Variants in ZFHX2 observed in about 807,000 individuals in gnomAD.
The protein encoded by ZFHX2 is zinc finger homeobox protein 2.
A neutral mutation model predicts 164.8 loss-of-function variants in ZFHX2; 75 were observed. That is an observed-to-expected ratio of 0.46 (90% CI 0.38 to 0.55). The LOEUF (loss-of-function observed/expected upper bound fraction) is 0.55. Among genes scored for constraint, ZFHX2 ranks in the 20% least tolerant of loss-of-function variants. ZFHX2 has a pLI of 0.00. For missense variants in ZFHX2, 2,933 were observed against 3,308.0 expected (o/e 0.89, Z 2.78); for synonymous variants, 1,217 against 1,351.4 (o/e 0.90, Z 2.18).
intron 6 of ZFHX2, among the ~76,000 whole-genome samples, chr14:23,528,204 T>C (rs1879035444): frequency 6.6e-6 from 1 of 152,180 alleles, no homozygotes; most frequent in East Asian, 1.9e-4. Context: ...CCACCACGCT[T>C]GGCCTCTCAC....
Position 23,524,243 on chromosome 14 carries a change from A to C in ZFHX2, c.5699T>G (p.Val1900Gly). The C allele has an allele frequency of 6.5e-7, 1 of 1,536,180 alleles. No homozygotes were observed. Among genetic ancestry groups the C allele is most frequent in the Non-Finnish European group, 8.7e-7 (1 of 1,146,920 alleles). Residue 1900 changes from valine (V) to glycine (G), a missense_variant, in exon 9 of 10, where the codon GTG becomes GGG. Val to Gly is a moderately radical substitution (Grantham distance 109). Transcript: ENST00000419474. This position sits in a 1 kb window ranked among gnomAD's most constrained non-coding sequence, Gnocchi z 5.6. ...ISEEVGLKKRVVQVWFQNTRA... is the reference protein window; with the variant it reads ...ISEEVGLKKRGVQVWFQNTRA... Reference sequence around the variant, plus strand: ...GGTATTCTGGAACCAGACCTGTACCACTCGCTTTTTGAGCCCCACCTCCTC... The same window carrying C: ...GGTATTCTGGAACCAGACCTGTACCCCTCGCTTTTTGAGCCCCACCTCCTC...
chr14:23,533,426 A>G lies in ZFHX2; in HGVS notation c.1900T>C (p.Tyr634His). The change falls in exon 2 of 10, where the codon TAC becomes CAC. Residue 634 changes from tyrosine (Y) to histidine (H), a missense_variant. By Grantham distance (83) the Tyr-to-His change is moderately conservative. Transcript: ENST00000419474. The surrounding 1 kb of genome is among the most constrained non-coding windows in gnomAD (Gnocchi z 4.8). ...TPTSPPELFQ[Y>H]FGPQALGQPQ... is the part of the protein sequence containing the mutation. ...TGCCCTAGGGCCTGGGGCCCAAAGT[A>G]CTGGAAGAGTTCAGGGGGGCTAGTG... The G allele has an allele frequency of 6.6e-7, 1 of 1,523,636 alleles. No homozygotes were observed. Among genetic ancestry groups the G allele is most frequent in the South Asian group, 1.2e-5 (1 of 82,610 alleles). The allele number at this position is 1,523,636 out of a possible 1,614,324, so 94.4% of individuals were successfully genotyped here.
Position 23,520,887 on chromosome 14 carries a change from T to TC in ZFHX2, c.*1074dup, listed in dbSNP as rs1877868743. On this transcript the variant is annotated 3_prime_UTR_variant, in exon 10 of 10. Coordinates refer to ENST00000419474, the MANE Select transcript of ZFHX2 (RefSeq NM_033400.3). This position sits in a 1 kb window ranked among gnomAD's most constrained non-coding sequence, Gnocchi z 8.7. ...GGAGTTTTCTTCCTTTTTTTTTTTT[T>TC]CTGTATTTTCCAAGTTTACGTTTTT... is the stretch of plus-strand genomic sequence containing the variant. 2.6e-5 allele frequency: 4 copies of TC among 151,946 alleles called. No individual in the cohort carries two copies. Among genetic ancestry groups the TC allele is most frequent in the African/African-American group, 7.3e-5 (3 of 41,320 alleles). The allele number at this position is 151,946 out of a possible 1,614,324, so 9.4% of individuals were successfully genotyped here.
chr14:23,549,463 AC>A (rs1881743717), intron 1 of ZFHX2, among the ~76,000 whole-genome samples: 1 of 152,128 alleles, frequency 6.6e-6, no homozygotes. Flanking sequence ...TCCTTTATCC[AC>A]CCTTACTGTT....
chr14:23,527,822 G>T lies in ZFHX2; in HGVS notation c.2935-18C>A. 2 of 1,534,728 alleles carry T rather than the reference G, an allele frequency of 1.3e-6. No homozygotes were observed. Among genetic ancestry groups the T allele is most frequent in the Non-Finnish European group, 1.7e-6 (2 of 1,146,536 alleles). On this transcript the variant is annotated intron_variant, in intron 6 of 9. Transcript: ENST00000419474. ...CAGTATACCTGGAGGGAACATATGG[G>T]CAGTGGACGAAGTGTCAGGGAAGGA...
intron 1 of ZFHX2, among the ~76,000 whole-genome samples, chr14:23,536,228 A>G (rs531029862): frequency 6.6e-6 from 1 of 152,322 alleles, no homozygotes; most frequent in East Asian, 1.9e-4. Context: ...AGCAGCCAGA[A>G]TGGGGGCTTT....
chr14:23,522,884 G>A lies in ZFHX2; in HGVS notation c.6797C>T (p.Thr2266Ile), dbSNP rs940007151. The change falls in exon 10 of 10, where the codon ACA becomes ATA. Residue 2266 changes from threonine (T) to isoleucine (I), a missense_variant. Physicochemically the swap from Thr to Ile is moderately conservative, Grantham distance 89 (BLOSUM62 -1). Transcript: ENST00000419474. ...GCCTGGGCCAGCAGTCTGGACCACT[G>A]TGGTGGTAGGCAGGACCGAAGTGGC... The part of the protein sequence containing the change: ...GLATSVLPTT[T>I]VVQTAGPGRP... 10 of 1,497,390 alleles carry A rather than the reference G, an allele frequency of 6.7e-6. No individual in the cohort carries two copies. In the African/African-American group the frequency reaches 1.1e-4, roughly 17 times the overall value. 92.8% of individuals were successfully genotyped at this position (1,497,390 alleles called of 1,614,324 possible).
chr14:23,540,053 T>A (rs906565240), intron 1 of ZFHX2, among the ~76,000 whole-genome samples: 2 of 152,202 alleles, frequency 1.3e-5, no homozygotes, highest in African/African-American at 2.4e-5. Flanking sequence ...AGTGTCACCA[T>A]CTTGTCTCAC....
chr14:23,539,619 C>T (rs1880576005), intron 1 of ZFHX2, among the ~76,000 whole-genome samples: 1 of 152,096 alleles, frequency 6.6e-6, no homozygotes, highest in Non-Finnish European at 1.5e-5. Context: ...GAGAATCTGC[C>T]CCTCGCTGAA....
At chr14:23,549,528 T>TA (rs1399714774) in intron 1 of ZFHX2, among the ~76,000 whole-genome samples, 2 of 152,006 alleles carry the variant, frequency 1.3e-5, no homozygotes, top group Non-Finnish European at 2.9e-5. Flanking sequence ...ATTACACTAA[T>TA]AAACACTGCC....
chr14:23,523,789 C>T lies in ZFHX2; in HGVS notation c.6153G>A (p.Gly2051=). ...PESPGAGGTS[G]GPGGGTGVPD... The stretch of plus-strand genomic sequence containing the variant: ...GAACCCCAGTCCCACCTCCAGGTCC[C>T]CCACTGGTCCCTCCAGCCCCAGGGG... Residue 2051 remains glycine, a synonymous_variant, in exon 9 of 10, where the codon GGG becomes GGA. Transcript: ENST00000419474. This position sits in a 1 kb window ranked among gnomAD's most constrained non-coding sequence, Gnocchi z 4.1. The T allele has an allele frequency of 3.9e-6, 6 of 1,536,248 alleles. No individual in the cohort carries two copies. Among genetic ancestry groups the T allele is most frequent in the Non-Finnish European group, 5.2e-6 (6 of 1,146,932 alleles).
upstream of ZFHX2, among the ~76,000 whole-genome samples, chr14:23,554,237 C>T (rs1366902733): frequency 6.6e-6 from 1 of 152,036 alleles, no homozygotes; most frequent in Admixed American, 6.6e-5. Context: ...GGTCTTCATC[C>T]CAGGTTAACA....
In ZFHX2 at chr14:23,534,209, C is replaced by T. The variant is rs576277284; in HGVS notation, c.1117G>A (p.Asp373Asn). Residue 373 changes from aspartate (D) to asparagine (N), a missense_variant, in exon 2 of 10, where the codon GAT becomes AAT. By Grantham distance (23) the Asp-to-Asn change is conservative. Coordinates refer to ENST00000419474, the MANE Select transcript of ZFHX2 (RefSeq NM_033400.3). The surrounding 1 kb of genome is among the most constrained non-coding windows in gnomAD (Gnocchi z 4.5). ...TCTTCTTGCCCCTCAGGGAACCAAT[C>T]TGGCCCTGCCTCGCCTGCTGCTACT... ...SPVAAGEAGPDWFPEGQEEDG... is the reference protein window; with the variant it reads ...SPVAAGEAGPNWFPEGQEEDG... 4 of 1,496,282 alleles carry T rather than the reference C, an allele frequency of 2.7e-6. No homozygotes were observed. The highest frequency in any genetic ancestry group is 3.6e-6 in the Non-Finnish European group (4 of 1,126,582). 92.7% of individuals were successfully genotyped at this position (1,496,282 alleles called of 1,614,324 possible). A position where few individuals can be genotyped will look rare whatever the true frequency, so the allele number is the denominator to read the frequency against.
chr14:23,545,748 G>A (rs956779701), intron 1 of ZFHX2, among the ~76,000 whole-genome samples: 3 of 152,188 alleles, frequency 2.0e-5, no homozygotes, highest in African/African-American at 7.2e-5. Flanking sequence ...GGGAAATGCA[G>A]ACAACTGTGA....
Position 23,525,858 on chromosome 14 carries a change from G to A in ZFHX2, c.4084C>T (p.Gln1362Ter). The change falls in exon 9 of 10, where the codon CAG becomes TAG. Residue 1362 changes from glutamine (Q) to a stop codon, truncating the protein, a stop_gained. Transcript: ENST00000419474. LOFTEE classifies it high-confidence loss of function. This position sits in a 1 kb window ranked among gnomAD's most constrained non-coding sequence, Gnocchi z 5.9. ...TGGAGGTAGAAGGGCAGGAGCAGCT[G>A]CTGCTGCTGGAGCTTAAGCAGTGAT... The part of the protein sequence containing the change: ...PESLLKLQQQ[Q>*]LLLPFYLHDL... 1 of 1,456,678 alleles carries A rather than the reference G, an allele frequency of 6.9e-7. No homozygotes were observed. The highest frequency in any genetic ancestry group is 9.0e-7 in the Non-Finnish European group (1 of 1,110,336). The allele number at this position is 1,456,678 out of a possible 1,614,324, so 90.2% of individuals were successfully genotyped here.
chr14:23,533,564 T>C lies in ZFHX2; in HGVS notation c.1762A>G (p.Met588Val), dbSNP rs994874612. ...TTCTGCATGTGCTTCTCAGAGGTCA[T>C]ATGGATGCGCAGGTTACGGGAGATG... ...TNISRNLRIH[M>V]TSEKHMQNVL... Residue 588 changes from methionine (M) to valine (V), a missense_variant, in exon 2 of 10, where the codon ATG (methionine) becomes GTG (valine). Met to Val is a conservative substitution (Grantham distance 21, BLOSUM62 1). Transcript: ENST00000419474. This position sits in a 1 kb window ranked among gnomAD's most constrained non-coding sequence, Gnocchi z 4.8. 22 of 1,536,376 alleles carry C rather than the reference T, an allele frequency of 1.4e-5. No homozygotes were observed. The highest frequency in any genetic ancestry group is 1.9e-5 in the Non-Finnish European group (22 of 1,147,006).
At chr14:23,541,990 G>A (rs997692756) in intron 1 of ZFHX2, among the ~76,000 whole-genome samples, 2 of 152,144 alleles carry the variant, frequency 1.3e-5, no homozygotes, top group African/African-American at 4.8e-5. Context: ...GAAAGAACGA[G>A]TATGGCAGGG....
In ZFHX2 at chr14:23,535,370, G is replaced by A. The variant is rs1048212500; in HGVS notation, c.-45C>T. 11 of 1,437,346 alleles carry A rather than the reference G, an allele frequency of 7.7e-6. No individual in the cohort carries two copies. The African/African-American group carries it at 1.4e-4, about 19-fold the overall frequency. The allele number at this position is 1,437,346 out of a possible 1,614,324, so 89.0% of individuals were successfully genotyped here. A position where few individuals can be genotyped will look rare whatever the true frequency, so the allele number is the denominator to read the frequency against. On this transcript the variant is annotated 5_prime_UTR_variant, in exon 2 of 10. Transcript: ENST00000419474. The surrounding 1 kb of genome is among the most constrained non-coding windows in gnomAD (Gnocchi z 4.5). ...GGGGCTCATGTCAGCGTGACAGCCA[G>A]TACCCTGTAGGGAGACAAGGAGAGA...
Position 23,522,866 on chromosome 14 carries a change from C to T in ZFHX2, c.6815G>A (p.Gly2272Asp). The T allele has an allele frequency of 6.6e-7, 1 of 1,519,504 alleles. No individual in the cohort carries two copies. 94.1% of individuals were successfully genotyped at this position (1,519,504 alleles called of 1,614,324 possible). The change falls in exon 10 of 10, where the codon GGC (glycine) becomes GAC (aspartate). Residue 2272 changes from glycine to aspartate, a missense_variant. Gly to Asp is a moderately conservative substitution (Grantham distance 94). Transcript: ENST00000419474. Reference sequence around the variant, plus strand: ...TCTCTGAGGTAAGGGGCGGCCTGGGCCAGCAGTCTGGACCACTGTGGTGGT... The same window carrying T: ...TCTCTGAGGTAAGGGGCGGCCTGGGTCAGCAGTCTGGACCACTGTGGTGGT... The part of the protein sequence containing the change: ...LPTTTVVQTA[G>D]PGRPLPQRPM...
Sources: gnomAD v4.1 joint callset for allele counts (sites outside exome capture counted in the v4.1 genomes callset) on GRCh38, gnomAD v4.1.1 for gene constraint, Gnocchi (gnomAD v3.1) non-coding constraint, MANE v1.5 for transcripts, NCBI Gene and HGNC (gene_info 2026-07-23, HGNC 2026-07-21) for gene names.